HS3ST5: variants seen among roughly 807,000 people sequenced by gnomAD.
HS3ST5 encodes the protein heparan sulfate glucosamine 3-O-sulfotransferase 5.
HS3ST5 carries 10 observed loss-of-function variants against 25.4 expected under a neutral mutation model. The ratio of observed to expected loss-of-function variants is 0.39; its 90% CI spans 0.24 to 0.67. HS3ST5 has a LOEUF of 0.67. Among genes scored for constraint, HS3ST5 ranks in the 30% least tolerant of loss-of-function variants. The pLI is 0.44. For missense variants in HS3ST5, 324 were observed against 420.7 expected (o/e 0.77, Z 2.01); for synonymous variants, 170 against 162.4 (o/e 1.05, Z -0.36).
chr6:114,304,896 C>T (rs1775225062), intron 1 of HS3ST5, among the ~76,000 whole-genome samples: 2 of 152,186 alleles, frequency 1.3e-5, no homozygotes, highest in Admixed American at 1.3e-4. Context: ...TAAAAGTTAG[C>T]TCTCACATAG....
At chr6:114,233,895 A>G (rs532443164) in intron 1 of HS3ST5, among the ~76,000 whole-genome samples, 18 of 152,356 alleles carry the variant, frequency 1.2e-4, no homozygotes, top group African/African-American at 4.3e-4. Context: ...TTCCCAGAGT[A>G]GCCTAAATTG....
chr6:114,086,123 C>T lies in HS3ST5; in HGVS notation c.-32-23246G>A, dbSNP rs993946022. Among the ~76,000 whole-genome samples the T allele has an allele frequency of 5.9e-5, 9 of 152,128 alleles. No homozygotes were observed. In the South Asian group the frequency reaches 1.0e-3, roughly 18 times the overall value. On this transcript the variant is annotated intron_variant, in intron 3 of 4. Coordinates refer to ENST00000312719, the MANE Select transcript of HS3ST5 (RefSeq NM_153612.4). ...CTATTAAAGGCAGTGTGGAATTGTA[C>T]ATGGCTCCCATAACCTTTGTCTTGG...
In HS3ST5 at chr6:114,285,091, C is replaced by T. The variant is rs528387347; in HGVS notation, c.-338-56313G>A. Among the ~76,000 whole-genome samples, 68 of 152,160 alleles carry T rather than the reference C, an allele frequency of 4.5e-4. No individual in the cohort carries two copies. The South Asian group carries it at 0.013, about 29-fold the overall frequency. On this transcript the variant is annotated intron_variant, in intron 1 of 4. Coordinates refer to ENST00000312719, the MANE Select transcript of HS3ST5 (RefSeq NM_153612.4). ...GGCATTTATCCAAAAGAATTGAAATCAGGATCTTGAAGAATATTAGCATTG... is the reference window on the plus strand; with the variant it reads ...GGCATTTATCCAAAAGAATTGAAATTAGGATCTTGAAGAATATTAGCATTG...
intron 3 of HS3ST5, among the ~76,000 whole-genome samples, chr6:114,080,550 G>C (rs572852019): frequency 2.0e-5 from 3 of 152,320 alleles, no homozygotes; most frequent in Middle Eastern, 3.4e-3. Context: ...CCCATCAGTG[G>C]TGGACTGGAT....
intron 1 of HS3ST5, among the ~76,000 whole-genome samples, chr6:114,256,400 C>CA (rs769551664): frequency 0.059 from 8,622 of 146,906 alleles, 326 homozygotes; most frequent in Middle Eastern, 0.12. Context: ...AAAAAAAAAA[C>CA]AAAAAAAAAC....
At chr6:114,087,663 A>G (rs149122621) in intron 3 of HS3ST5, among the ~76,000 whole-genome samples, 40 of 152,344 alleles carry the variant, frequency 2.6e-4, no homozygotes, top group African/African-American at 9.6e-4. Context: ...ATTTTTTTAA[A>G]TGTATGAGTC....
chr6:114,142,374 T>C (rs1395001567), intron 3 of HS3ST5, among the ~76,000 whole-genome samples: 2 of 152,154 alleles, frequency 1.3e-5, no homozygotes, highest in African/African-American at 2.4e-5. Context: ...CATCAGAAAG[T>C]GATGTCAACA....
intron 1 of HS3ST5, among the ~76,000 whole-genome samples, chr6:114,285,784 A>C (rs1774313479): frequency 6.6e-6 from 1 of 152,040 alleles, no homozygotes; most frequent in Non-Finnish European, 1.5e-5. Context: ...CTATGTAACA[A>C]ACTTGCACAT....
chr6:114,247,648 A>G (rs1452092710), intron 1 of HS3ST5, among the ~76,000 whole-genome samples: 1 of 152,038 alleles, frequency 6.6e-6, no homozygotes, highest in Non-Finnish European at 1.5e-5. Flanking sequence ...CACAAATTTA[A>G]GAGACTCCAT....
intron 1 of HS3ST5, among the ~76,000 whole-genome samples, chr6:114,309,022 C>A (rs1216629336): frequency 6.6e-6 from 1 of 152,140 alleles, no homozygotes; most frequent in Non-Finnish European, 1.5e-5. Flanking sequence ...GGTACTTAAA[C>A]TGTAGTGAAC....
intron 3 of HS3ST5, among the ~76,000 whole-genome samples, chr6:114,148,967 C>A (rs574220286): frequency 1.3e-5 from 2 of 152,054 alleles, no homozygotes; most frequent in Non-Finnish European, 2.9e-5. Context: ...ATGTGGCAAA[C>A]AAACATGAAA....
At chr6:114,256,098 T>G (rs1772895785) in intron 1 of HS3ST5, among the ~76,000 whole-genome samples, 2 of 152,104 alleles carry the variant, frequency 1.3e-5, no homozygotes, top group South Asian at 4.1e-4. Context: ...TATAAAAATA[T>G]TTCACAGTGG....
At chr6:114,235,599 C>T (rs1409599675) in intron 1 of HS3ST5, 1 of 152,142 alleles carries the variant, frequency 6.6e-6, no homozygotes. Flanking sequence ...GAGAGTAGCA[C>T]TTAAAATTTT....
chr6:114,224,699 TACACACAC>T (rs71272382), intron 2 of HS3ST5, among the ~76,000 whole-genome samples: 1 of 144,334 alleles, frequency 6.9e-6, no homozygotes, highest in Admixed American at 7.0e-5. Context: ...TATATATATA[TACACACAC>T]ACACACACAC....
chr6:114,264,377 T>C (rs1179809388), intron 1 of HS3ST5, among the ~76,000 whole-genome samples: 1 of 152,228 alleles, frequency 6.6e-6, no homozygotes, highest in African/African-American at 2.4e-5. Context: ...TTTTGATACA[T>C]ATTTACAAAC....
At chr6:114,236,859 T>C (rs1771880968) in intron 1 of HS3ST5, among the ~76,000 whole-genome samples, 1 of 152,184 alleles carries the variant, frequency 6.6e-6, no homozygotes, top group South Asian at 2.1e-4. Flanking sequence ...TTTGATAGGC[T>C]CAATAGATAT....
rs1173562985 is a variant in HS3ST5, at chr6:114,057,562, G to C, written c.736C>G (p.Pro246Ala). Residue 246 changes from proline (P) to alanine (A), a missense_variant, in exon 5 of 5, where the codon CCA becomes GCA. Physicochemically the swap from Pro to Ala is conservative, Grantham distance 27. Transcript: ENST00000312719. ...TCGACGACATGAAATTGCTCAATTG[G>C]AAAGTATTTCAACCACCTTTCCAGA... The part of the protein sequence containing the change: ...KHLERWLKYF[P>A]IEQFHVVDGD... 6.2e-7 allele frequency: 1 copy of C among 1,614,174 alleles called. No individual in the cohort carries two copies. The highest frequency in any genetic ancestry group is 8.5e-7 in the Non-Finnish European group (1 of 1,180,026).
At chr6:114,305,711 A>AT (rs1775260564) in intron 1 of HS3ST5, among the ~76,000 whole-genome samples, 1 of 152,174 alleles carries the variant, frequency 6.6e-6, no homozygotes, top group African/African-American at 2.4e-5. Context: ...CTTCACGTGA[A>AT]TATGTGGCAG....
intron 3 of HS3ST5, among the ~76,000 whole-genome samples, chr6:114,081,428 T>A (rs12211751): frequency 0.14 from 21,362 of 152,064 alleles, 1,545 homozygotes; most frequent in Middle Eastern, 0.21. Context: ...GCACAAATTT[T>A]AAAAGAGAGC....
Sources: allele counts gnomAD v4.1 joint callset (sites outside exome capture counted in the v4.1 genomes callset), GRCh38; gene constraint gnomAD v4.1.1; transcripts MANE v1.5; gene names NCBI Gene and HGNC (gene_info 2026-07-23, HGNC 2026-07-21).